The following PHKA1 variants were observed in gnomAD, a reference collection of about 807,000 sequenced individuals.
PHKA1 encodes phosphorylase b kinase regulatory subunit alpha, skeletal muscle isoform.
Under a neutral mutation model 110.2 loss-of-function variants are expected in PHKA1, and 60 were observed. That is an observed-to-expected ratio of 0.54 (90% CI 0.44 to 0.68). PHKA1 has a LOEUF of 0.68. Among genes scored for constraint, PHKA1 ranks in the 30% least tolerant of loss-of-function variants. The probability of loss-of-function intolerance (pLI) is 0.00; values close to 1 mark genes in which losing one functional copy is unlikely to be tolerated. For synonymous variants in PHKA1, 316 were observed against 333.6 expected, an observed-to-expected ratio of 0.95 and a Z score of 0.58; for missense variants, 801 against 942.5, an observed-to-expected ratio of 0.85 and a Z score of 1.97.
chrX:72,603,231 G>GGC lies in PHKA1; in HGVS notation c.2816-12_2816-11insGC. On this transcript the variant is annotated splice_polypyrimidine_tract_variant and intron_variant, in intron 25 of 31. Coordinates refer to ENST00000373542, the MANE Select transcript of PHKA1 (RefSeq NM_002637.4). ...CTGTGGCTTCCTCAGCTAGTCAGCA[G>GGC]AAATGTTAGAACAGAAGGACTTCTA... is the stretch of plus-strand genomic sequence containing the variant. The GGC allele has an allele frequency of 9.1e-7, 1 of 1,094,474 alleles. No individual in the cohort carries two copies. Among genetic ancestry groups the GGC allele is most frequent in the Non-Finnish European group, 1.3e-6 (1 of 790,579 alleles). The allele number at this position is 1,094,474 out of a possible 1,213,427, so 90.2% of individuals were successfully genotyped here.
chrX:72,686,227 C>G (rs782525845), intron 4 of PHKA1, among the ~76,000 whole-genome samples: 19 of 111,882 alleles, frequency 1.7e-4, no homozygotes, highest in Non-Finnish European at 3.4e-4. Flanking sequence ...AATACTCTTT[C>G]ATGAAAAAAA....
At chrX:72,601,038 A>G (rs895180007) in intron 28 of PHKA1, among the ~76,000 whole-genome samples, 1 of 111,218 alleles carries the variant, frequency 9.0e-6, no homozygotes, top group African/African-American at 3.3e-5. Context: ...AGATCTTGAA[A>G]CCACATGACT....
At chrX:72,672,612 C>T (rs7067145) in intron 6 of PHKA1, among the ~76,000 whole-genome samples, 1,383 of 111,883 alleles carry the variant, frequency 0.012, 26 homozygotes, top group African/African-American at 0.042. Context: ...ATGATCCAGT[C>T]ACGGCTTAAA....
intron 6 of PHKA1, among the ~76,000 whole-genome samples, chrX:72,675,139 G>T (rs781797908): frequency 1.1e-3 from 115 of 109,344 alleles, no homozygotes; most frequent in Non-Finnish European, 2.0e-3. Context: ...AGTGAGCCAA[G>T]ATCGTGCCAC....
chrX:72,688,054 C>T (rs951372015), intron 4 of PHKA1, among the ~76,000 whole-genome samples: 1 of 110,479 alleles, frequency 9.1e-6, no homozygotes, highest in Non-Finnish European at 1.9e-5. Context: ...GTCTTGAACT[C>T]CTGACCTTGT....
chrX:72,588,445 T>G (rs2052466877), intron 29 of PHKA1, among the ~76,000 whole-genome samples: 2 of 111,917 alleles, frequency 1.8e-5, no homozygotes, highest in African/African-American at 6.5e-5. Flanking sequence ...GAGGGAAATT[T>G]ATAGCACTAA....
At chrX:72,712,476 T>A (rs1427344663) in intron 2 of PHKA1, 2 of 343,668 alleles carry the variant, frequency 5.8e-6, no homozygotes, top group Non-Finnish European at 1.0e-5. Flanking sequence ...GACTACAAGA[T>A]AGATTAACTT....
chrX:72,627,248 T>C (rs1603258652), intron 16 of PHKA1, among the ~76,000 whole-genome samples, 199 bp from the exon 17 acceptor site: 2 of 111,702 alleles, frequency 1.8e-5, no homozygotes, highest in Admixed American at 9.5e-5. Context: ...TGATGACTGA[T>C]AGATTTCCTC....
At chrX:72,665,123 G>A (rs1240818593) in intron 8 of PHKA1, among the ~76,000 whole-genome samples, 1 of 111,119 alleles carries the variant, frequency 9.0e-6, no homozygotes, top group Non-Finnish European at 1.9e-5. Flanking sequence ...AAAATGAAAA[G>A]TTTTTTAAAT....
intron 6 of PHKA1, among the ~76,000 whole-genome samples, chrX:72,675,494 A>AT (rs1428117882): frequency 1.8e-5 from 2 of 111,456 alleles, no homozygotes; most frequent in Non-Finnish European, 3.8e-5. Context: ...ATATCTTTGC[A>AT]TATTAGTAGG....
chrX:72,591,167 G>A (rs1185620948), intron 29 of PHKA1, among the ~76,000 whole-genome samples: 1 of 112,083 alleles, frequency 8.9e-6, no homozygotes, highest in Admixed American at 9.4e-5. Context: ...CAATGCAAAT[G>A]CCCATCAATG....
At chrX:72,702,992 G>A (rs1368356587) in intron 3 of PHKA1, among the ~76,000 whole-genome samples, 2 of 111,519 alleles carry the variant, frequency 1.8e-5, no homozygotes, top group African/African-American at 6.5e-5. Flanking sequence ...GCTTTCAGTT[G>A]TCTCACCCTT....
At chrX:72,585,020 C>A (rs781792459) in intron 29 of PHKA1, among the ~76,000 whole-genome samples, 27 of 106,994 alleles carry the variant, frequency 2.5e-4, no homozygotes, top group Non-Finnish European at 4.2e-4. Flanking sequence ...TCTGTCCTTG[C>A]GATAGTTTGG....
chrX:72,623,722 A>G (rs2053013001), intron 17 of PHKA1, among the ~76,000 whole-genome samples: 1 of 111,678 alleles, frequency 9.0e-6, no homozygotes, highest in Admixed American at 9.5e-5. Context: ...ACTGTAAGCC[A>G]TATCGTCTCC....
At chrX:72,656,399 A>T (rs781908563) in intron 9 of PHKA1, among the ~76,000 whole-genome samples, 157 bp from the exon 10 acceptor site, 1 of 112,657 alleles carries the variant, frequency 8.9e-6, no homozygotes, top group African/African-American at 3.2e-5. Context: ...CAAGTACTCT[A>T]TGATGCGACT....
chrX:72,632,764 C>T (rs916267896), intron 16 of PHKA1, among the ~76,000 whole-genome samples: 1 of 111,858 alleles, frequency 8.9e-6, no homozygotes, highest in Non-Finnish European at 1.9e-5. Flanking sequence ...ACTGAAAGAT[C>T]TTGTTTGAGG....
chrX:72,624,590 C>A (rs1454527953), intron 17 of PHKA1, among the ~76,000 whole-genome samples: 1 of 111,723 alleles, frequency 9.0e-6, no homozygotes, highest in Non-Finnish European at 1.9e-5. Context: ...TCAATAAAGG[C>A]ATTGGCCCAT....
intron 6 of PHKA1, among the ~76,000 whole-genome samples, chrX:72,669,747 A>G (rs1398370217): frequency 2.7e-5 from 3 of 109,852 alleles, no homozygotes; most frequent in East Asian, 5.8e-4. Flanking sequence ...TCCATGGTGT[A>G]TATGTGCCAC....
intron 28 of PHKA1, among the ~76,000 whole-genome samples, chrX:72,594,953 C>T (rs1556231922): frequency 8.9e-6 from 1 of 112,017 alleles, no homozygotes; most frequent in African/African-American, 3.2e-5. Context: ...TTCTATGAGG[C>T]CAATATTACC....
Sources: allele counts gnomAD v4.1 joint callset (sites outside exome capture counted in the v4.1 genomes callset), GRCh38; gene constraint gnomAD v4.1.1; transcripts MANE v1.5; gene names NCBI Gene and HGNC (gene_info 2026-07-23, HGNC 2026-07-21).